Variants in MALRD1 observed in about 807,000 individuals in gnomAD.
MALRD1 encodes the protein MAM and LDL receptor class A domain containing 1.
A neutral mutation model predicts 242.1 loss-of-function variants in MALRD1; 247 were observed. That is an observed-to-expected ratio of 1.02 (90% CI 0.92 to 1.13). The LOEUF (loss-of-function observed/expected upper bound fraction) is 1.13. Among genes scored for constraint, MALRD1 ranks in the 50% most tolerant of loss-of-function variants. MALRD1 has a pLI of 0.00. For missense variants in MALRD1, 2,989 were observed against 2,533.1 expected (o/e 1.18, Z -3.86); for synonymous variants, 995 against 866.6 (o/e 1.15, Z -2.60).
At chr10:19,666,761 A>G (rs1356426932) in intron 36 of MALRD1, among the ~76,000 whole-genome samples, 2 of 152,204 alleles carry the variant, frequency 1.3e-5, no homozygotes, top group African/African-American at 4.8e-5. Flanking sequence ...ATAAGCCTTC[A>G]TCATTTCTCC....
At chr10:19,133,113 A>G (rs1235117345) in intron 8 of MALRD1, among the ~76,000 whole-genome samples, 6 of 151,920 alleles carry the variant, frequency 3.9e-5, no homozygotes, top group Non-Finnish European at 8.8e-5. Context: ...TAATTTTTGT[A>G]TTTTTAGTAG....
chr10:19,163,801 A>G (rs1463700637), intron 12 of MALRD1, among the ~76,000 whole-genome samples: 1 of 152,204 alleles, frequency 6.6e-6, no homozygotes, highest in Non-Finnish European at 1.5e-5. Flanking sequence ...CCATAATGCA[A>G]ATTCTATAGA....
intron 29 of MALRD1, among the ~76,000 whole-genome samples, chr10:19,469,835 A>G (rs1391364621): frequency 6.6e-6 from 1 of 152,000 alleles, no homozygotes; most frequent in East Asian, 1.9e-4. Context: ...TAGTGTATAC[A>G]ACTCAATGTG....
intron 38 of MALRD1, among the ~76,000 whole-genome samples, chr10:19,719,215 C>T (rs374277938): frequency 0.64 from 54,091 of 84,154 alleles, 16,431 homozygotes; most frequent in South Asian, 0.73. Context: ...TATATATACA[C>T]ATACATACAT....
At chr10:19,145,089 A>G (rs537973273) in intron 10 of MALRD1, among the ~76,000 whole-genome samples, 3 of 152,288 alleles carry the variant, frequency 2.0e-5, no homozygotes, top group African/African-American at 7.2e-5. Flanking sequence ...AGATAGTCTG[A>G]TACTATGATT....
At chr10:19,529,555 G>T (rs1834252861) in intron 31 of MALRD1, among the ~76,000 whole-genome samples, 1 of 138,060 alleles carries the variant, frequency 7.2e-6, no homozygotes, top group Admixed American at 7.3e-5. Context: ...GAGGGGGGGG[G>T]AGAAAACAAA....
At chr10:19,306,125 A>ATATATATACTATATAT (rs1564546915) in intron 21 of MALRD1, among the ~76,000 whole-genome samples, 1 of 82,532 alleles carries the variant, frequency 1.2e-5, no homozygotes, top group Non-Finnish European at 2.3e-5. Context: ...ACTATCTAGT[A>ATATATATACTATATAT]TATATAGTAT....
chr10:19,612,420 A>G (rs1486883416), intron 35 of MALRD1, among the ~76,000 whole-genome samples: 1 of 151,920 alleles, frequency 6.6e-6, no homozygotes, highest in Non-Finnish European at 1.5e-5. Context: ...CCGGGAAAAC[A>G]AATTGCTGAT....
chr10:19,238,559 ATATATAATATACATAATG>A, intron 18 of MALRD1, among the ~76,000 whole-genome samples: 1 of 77,716 alleles, frequency 1.3e-5, no homozygotes, highest in East Asian at 3.3e-4. Flanking sequence ...AATGTATATT[ATATATAATATACATAATG>A]TATATTATAT....
rs143008409 is a variant in MALRD1, at chr10:19,252,297, G to T, written c.2992-5387G>T. The stretch of plus-strand genomic sequence containing the variant: ...TCATGGAGTTAAACGAAACTGTTAT[G>T]GACTGGGTCCAGCCCAAGGGCCACC... On this transcript the variant is annotated intron_variant, in intron 18 of 39. Coordinates refer to ENST00000454679, the MANE Select transcript of MALRD1 (RefSeq NM_001142308.3). Among the ~76,000 whole-genome samples, 29 of 152,090 alleles carry T rather than the reference G, an allele frequency of 1.9e-4. 1 individual carries two copies. The East Asian group carries it at 5.6e-3, about 30-fold the overall frequency.
rs1564381817 is a variant in MALRD1 at position 19,485,882 on chromosome 10, T to C, written c.5030-5635T>C. On this transcript the variant is annotated intron_variant, in intron 29 of 39. Transcript: ENST00000454679. ...GAAACAACTCTATGATGAATAATAA[T>C]GGAATTATTAACTAAATTAGGGGTA... Among the ~76,000 whole-genome samples the C allele has an allele frequency of 2.0e-5, 3 of 152,024 alleles. No homozygotes were observed. In the South Asian group the frequency reaches 6.2e-4, roughly 31 times the overall value.
chr10:19,546,049 T>C (rs1286477365), intron 32 of MALRD1, among the ~76,000 whole-genome samples: 1 of 152,170 alleles, frequency 6.6e-6, no homozygotes, highest in Non-Finnish European at 1.5e-5. Context: ...TATTTTCCCA[T>C]TGGTTCTGTT....
At chr10:19,102,392 T>G (rs1013249601) in intron 4 of MALRD1, among the ~76,000 whole-genome samples, 2 of 152,070 alleles carry the variant, frequency 1.3e-5, no homozygotes, top group African/African-American at 4.8e-5. Flanking sequence ...GACTACCTAT[T>G]GACAGATTTT....
chr10:19,396,325 C>T (rs771651854), intron 28 of MALRD1, among the ~76,000 whole-genome samples: 105 of 151,628 alleles, frequency 6.9e-4, no homozygotes, highest in African/African-American at 2.2e-3. Flanking sequence ...TTAGTAAAGA[C>T]GGGGGTTTCA....
intron 19 of MALRD1, among the ~76,000 whole-genome samples, chr10:19,275,464 C>T (rs1254192533): frequency 2.0e-5 from 3 of 152,048 alleles, no homozygotes; most frequent in Admixed American, 6.6e-5. Flanking sequence ...GTCAGGAGAT[C>T]AAGACCATCC....
At chr10:19,452,364 G>T (rs1013490132) in intron 29 of MALRD1, among the ~76,000 whole-genome samples, 6 of 152,146 alleles carry the variant, frequency 3.9e-5, no homozygotes, top group Non-Finnish European at 8.8e-5. Flanking sequence ...TTCAATTGAA[G>T]CCAACACTTG....
chr10:19,505,671 C>T (rs181769704), intron 31 of MALRD1, among the ~76,000 whole-genome samples: 3 of 152,318 alleles, frequency 2.0e-5, no homozygotes, highest in Admixed American at 2.0e-4. Flanking sequence ...GGGGAACTCA[C>T]TCAGACCACT....
At chr10:19,309,424 G>T (rs1842340675) in intron 21 of MALRD1, among the ~76,000 whole-genome samples, 2 of 151,402 alleles carry the variant, frequency 1.3e-5, no homozygotes, top group African/African-American at 2.4e-5. Flanking sequence ...CTCTGTAACT[G>T]AAATTTATTA....
intron 18 of MALRD1, among the ~76,000 whole-genome samples, chr10:19,238,513 G>GTATAATA (rs1564492830): frequency 0.02 from 652 of 33,026 alleles, 94 homozygotes; most frequent in African/African-American, 0.022. Flanking sequence ...AATATATAAT[G>GTATAATA]TATATTATAT....
Sources: allele counts gnomAD v4.1 joint callset (sites outside exome capture counted in the v4.1 genomes callset), GRCh38; gene constraint gnomAD v4.1.1; transcripts MANE v1.5; gene names NCBI Gene and HGNC (gene_info 2026-07-23, HGNC 2026-07-21).